Variants in IGF1R observed in about 807,000 individuals in gnomAD.
IGF1R encodes insulin like growth factor 1 receptor.
A neutral mutation model predicts 144.6 loss-of-function variants in IGF1R; 44 were observed. The observed-to-expected ratio is 0.30, with a 90% CI of 0.24 to 0.39. The LOEUF is 0.39. IGF1R is among the 10% of genes least tolerant of loss of function. The probability of loss-of-function intolerance (pLI) is 1.00; values close to 1 mark genes in which losing one functional copy is unlikely to be tolerated. For synonymous variants in IGF1R, 795 were observed against 722.8 expected (o/e 1.10, Z -1.60); for missense variants, 1,355 against 1,833.7 (o/e 0.74, Z 4.77).
chr15:98,865,366 A>G (rs2012372927), intron 2 of IGF1R, among the ~76,000 whole-genome samples: 1 of 152,230 alleles, frequency 6.6e-6, no homozygotes, highest in African/African-American at 2.4e-5. Flanking sequence ...AAGTCATTGC[A>G]GGTACAGGCG....
chr15:98,835,129 C>A (rs1046894576), intron 2 of IGF1R, among the ~76,000 whole-genome samples: 48 of 139,578 alleles, frequency 3.4e-4, no homozygotes, highest in African/African-American at 1.1e-3. Flanking sequence ...CCACACACAC[C>A]CACCCCTACA....
At chr15:98,840,477 T>A (rs1026831531) in intron 2 of IGF1R, among the ~76,000 whole-genome samples, 1 of 151,924 alleles carries the variant, frequency 6.6e-6, no homozygotes, top group African/African-American at 2.4e-5. Context: ...TAAGATGGAG[T>A]CTCACTCTGT....
In IGF1R at chr15:98,704,273, G is replaced by C. The variant is rs1214316774; in HGVS notation, c.95-3289G>C. Among the ~76,000 whole-genome samples, 1 of 152,154 alleles carries C rather than the reference G, an allele frequency of 6.6e-6. No homozygotes were observed. The highest frequency in any genetic ancestry group is 1.5e-5 in the Non-Finnish European group (1 of 68,026). ...TAGGGGAGGGAGGGAGGAGTTGGGGGACAGTTGGGGGAATAGTTGAAGCTA... is the reference window on the plus strand; with the variant it reads ...TAGGGGAGGGAGGGAGGAGTTGGGGCACAGTTGGGGGAATAGTTGAAGCTA... On this transcript the variant is annotated intron_variant, in intron 1 of 20. Transcript: ENST00000650285. The surrounding 1 kb of genome is among the most constrained non-coding windows in gnomAD (Gnocchi z 4.9).
chr15:98,871,988 T>C (rs894399753), intron 2 of IGF1R, among the ~76,000 whole-genome samples: 2 of 152,236 alleles, frequency 1.3e-5, no homozygotes, highest in African/African-American at 4.8e-5. Context: ...AAGGAACTCC[T>C]TCCTAGTGGA....
At chr15:98,755,718 C>CAAAAAAAAAA (rs56121011) in intron 2 of IGF1R, among the ~76,000 whole-genome samples, 14 of 34,502 alleles carry the variant, frequency 4.1e-4, no homozygotes, top group African/African-American at 1.9e-3. Flanking sequence ...AACTCCATTG[C>CAAAAAAAAAA]AAAAAAAAAA....
chr15:98,829,070 A>G (rs2056953723), intron 2 of IGF1R, among the ~76,000 whole-genome samples: 1 of 152,200 alleles, frequency 6.6e-6, no homozygotes, highest in South Asian at 2.1e-4. Flanking sequence ...TGTTATTAGA[A>G]GTCCTTCCAA....
chr15:98,704,264 G>A lies in IGF1R; in HGVS notation c.95-3298G>A, dbSNP rs1406808672. On this transcript the variant is annotated intron_variant, in intron 1 of 20. Coordinates refer to ENST00000650285, the MANE Select transcript of IGF1R (RefSeq NM_000875.5). The surrounding 1 kb of genome is among the most constrained non-coding windows in gnomAD (Gnocchi z 4.9). ...AATGAGAGGTAGGGGAGGGAGGGAG[G>A]AGTTGGGGGACAGTTGGGGGAATAG... 6.6e-6 allele frequency among the ~76,000 whole-genome samples: 1 copy of A among 152,136 alleles called. No homozygotes were observed. The highest frequency in any genetic ancestry group is 1.5e-5 in the Non-Finnish European group (1 of 68,036).
At chr15:98,767,144 C>T (rs1347462157) in intron 2 of IGF1R, among the ~76,000 whole-genome samples, 4 of 151,912 alleles carry the variant, frequency 2.6e-5, no homozygotes, top group African/African-American at 9.7e-5. Context: ...TGTTGTACTC[C>T]CTAGATCATT....
At chr15:98,823,422 C>A (rs1196338656) in intron 2 of IGF1R, among the ~76,000 whole-genome samples, 1 of 152,238 alleles carries the variant, frequency 6.6e-6, no homozygotes, top group Non-Finnish European at 1.5e-5. Context: ...CAATCAGCAG[C>A]AGACTGCTAG....
chr15:98,784,603 G>A (rs1474257136), intron 2 of IGF1R: 1 of 153,938 alleles, frequency 6.5e-6, no homozygotes, highest in African/African-American at 2.4e-5. Flanking sequence ...CTGAGTTATT[G>A]TAATTCTAAT....
intron 2 of IGF1R, among the ~76,000 whole-genome samples, chr15:98,882,537 C>A (rs2013433902): frequency 6.6e-6 from 1 of 152,182 alleles, no homozygotes; most frequent in South Asian, 2.1e-4. Context: ...TGCATAAGTG[C>A]TTGTTGCTTG....
At chr15:98,914,185 C>T (rs936301989) in intron 8 of IGF1R, among the ~76,000 whole-genome samples, 3 of 152,216 alleles carry the variant, frequency 2.0e-5, no homozygotes, top group African/African-American at 4.8e-5. Flanking sequence ...ATGAGGGCTT[C>T]ACTCCCATGA....
chr15:98,771,610 G>A lies in IGF1R; in HGVS notation c.640+63503G>A, dbSNP rs1300892951. Among the ~76,000 whole-genome samples, 5 of 152,134 alleles carry A rather than the reference G, an allele frequency of 3.3e-5. No individual in the cohort carries two copies. The South Asian group carries it at 6.2e-4, about 19-fold the overall frequency. Reference sequence around the variant, plus strand: ...GAATATGCCTCCAGAGACATCACTGGTGAGGCCTGCATGCATGTTGAAAAG... The same window carrying A: ...GAATATGCCTCCAGAGACATCACTGATGAGGCCTGCATGCATGTTGAAAAG... On this transcript the variant is annotated intron_variant, in intron 2 of 20. Transcript: ENST00000650285.
chr15:98,708,429 TC>T (rs749254392), intron 2 of IGF1R, among the ~76,000 whole-genome samples: 1 of 152,216 alleles, frequency 6.6e-6, no homozygotes, highest in Non-Finnish European at 1.5e-5. Context: ...AGCTTTGAAT[TC>T]CTGATGAGAA....
intron 2 of IGF1R, among the ~76,000 whole-genome samples, chr15:98,887,168 G>A (rs942834101): frequency 5.3e-5 from 8 of 152,124 alleles, no homozygotes; most frequent in Admixed American, 3.9e-4. Flanking sequence ...TCCCACCACC[G>A]AAACACACCT....
At chr15:98,886,377 T>C (rs961527427) in intron 2 of IGF1R, among the ~76,000 whole-genome samples, 3 of 152,202 alleles carry the variant, frequency 2.0e-5, no homozygotes, top group African/African-American at 7.2e-5. Flanking sequence ...ATCCTTTTAG[T>C]GGTGGATGTG....
intron 1 of IGF1R, among the ~76,000 whole-genome samples, chr15:98,669,013 C>T (rs1223248136): frequency 6.6e-6 from 1 of 152,184 alleles, no homozygotes; most frequent in Non-Finnish European, 1.5e-5. Context: ...TCTGACCCTG[C>T]CATTATGTTG....
rs1235094252 is a variant in IGF1R, at chr15:98,707,703, C to T, written c.236C>T (p.Thr79Met). The change falls in exon 2 of 21, where the codon ACG becomes ATG. Residue 79 changes from threonine (T) to methionine (M), a missense_variant. This residue lies in a region of IGF1R where 75 missense variants were observed against 160.0 expected (regional missense o/e 0.47). Coordinates refer to ENST00000650285, the MANE Select transcript of IGF1R (RefSeq NM_000875.5). This position sits in a 1 kb window ranked among gnomAD's most constrained non-coding sequence, Gnocchi z 6.7. Reference sequence around the variant, plus strand: ...CGCAGCTACCGCTTCCCCAAGCTCACGGTCATTACCGAGTACTTGCTGCTG... The same window carrying T: ...CGCAGCTACCGCTTCCCCAAGCTCATGGTCATTACCGAGTACTTGCTGCTG... ...DYRSYRFPKL[T>M]VITEYLLLFR... 25 of 1,614,032 alleles carry T rather than the reference C, an allele frequency of 1.5e-5. No individual in the cohort carries two copies. The highest frequency in any genetic ancestry group is 1.6e-4 in the Middle Eastern group (1 of 6,084).
intron 5 of IGF1R, among the ~76,000 whole-genome samples, chr15:98,901,204 G>A (rs573288306): frequency 1.3e-5 from 2 of 152,274 alleles, no homozygotes; most frequent in Non-Finnish European, 2.9e-5. Context: ...AGGTAAGCCC[G>A]GGCCCCTGGC....
Sources: gnomAD v4.1 joint callset for allele counts (sites outside exome capture counted in the v4.1 genomes callset) on GRCh38, gnomAD v4.1.1 for gene constraint, gnomAD v4.1.1 regional missense constraint, Gnocchi (gnomAD v3.1) non-coding constraint, MANE v1.5 for transcripts, NCBI Gene and HGNC (gene_info 2026-07-23, HGNC 2026-07-21) for gene names.